The following TBX15 variants were observed in gnomAD, a reference collection of about 807,000 sequenced individuals.
The protein encoded by TBX15 is T-box transcription factor TBX15.
A neutral mutation model predicts 53.9 loss-of-function variants in TBX15; 18 were observed. That is an observed-to-expected ratio of 0.33 (90% CI 0.23 to 0.49). The LOEUF is 0.49. Among genes scored for constraint, TBX15 ranks in the 20% least tolerant of loss-of-function variants. The pLI is 0.98. For synonymous variants in TBX15, 295 were observed against 278.0 expected (o/e 1.06, Z -0.61); for missense variants, 692 against 749.5 (o/e 0.92, Z 0.90).
intron 7 of TBX15, among the ~76,000 whole-genome samples, chr1:118,898,107 G>T (rs1317124753): frequency 6.6e-6 from 1 of 152,246 alleles, no homozygotes; most frequent in South Asian, 2.1e-4. Context: ...TAATGCAGAC[G>T]ATAAAACTGG....
Position 118,885,713 on chromosome 1 carries a change from T to TCA in TBX15, c.1025-199_1025-198dup, listed in dbSNP as rs140071874. Among the ~76,000 whole-genome samples the TCA allele has an allele frequency of 0.026, 3,949 of 149,340 alleles. 150 individuals carry two copies. The highest frequency in any genetic ancestry group is 0.086 in the African/African-American group (3,525 of 40,906). On this transcript the variant is annotated intron_variant, in intron 7 of 7. Coordinates refer to ENST00000369429, the MANE Select transcript of TBX15 (RefSeq NM_001330677.2). ...GACATATACACAGTCATACAGTCTC[T>TCA]CACACACACACACACACACACTCCA...
At chr1:118,892,210 AAATGGTTGCT>A (rs370343643) in intron 7 of TBX15, among the ~76,000 whole-genome samples, 57 of 152,344 alleles carry the variant, frequency 3.7e-4, no homozygotes, top group African/African-American at 1.2e-3. Flanking sequence ...ATAATCTCTT[AAATGGTTGCT>A]GGCCTCATTC....
At chr1:118,984,679 G>A (rs1488159547) in intron 1 of TBX15, among the ~76,000 whole-genome samples, 2 of 152,234 alleles carry the variant, frequency 1.3e-5, no homozygotes, top group East Asian at 3.9e-4. Context: ...AAAAGACTGA[G>A]AGTGCCGGCG....
chr1:118,917,367 A>T (rs980448144), intron 5 of TBX15, among the ~76,000 whole-genome samples: 1 of 152,166 alleles, frequency 6.6e-6, no homozygotes, highest in Non-Finnish European at 1.5e-5. Context: ...GAGCTGAATG[A>T]TGAGAACACA....
chr1:118,893,169 G>T (rs930747623), intron 7 of TBX15, among the ~76,000 whole-genome samples: 6 of 151,604 alleles, frequency 4.0e-5, no homozygotes, highest in South Asian at 4.2e-4. Flanking sequence ...AACCCAGGAG[G>T]CAGAGGTTAC....
intron 7 of TBX15, among the ~76,000 whole-genome samples, chr1:118,890,434 CATCTGTAGG>C (rs1211420441): frequency 1.3e-5 from 2 of 152,134 alleles, no homozygotes; most frequent in East Asian, 1.9e-4. Flanking sequence ...AGTTCTGTAG[CATCTGTAGG>C]ATCTGTAGGA....
At chr1:118,948,559 T>C (rs1394474587) in intron 1 of TBX15, among the ~76,000 whole-genome samples, 1 of 152,154 alleles carries the variant, frequency 6.6e-6, no homozygotes, top group Non-Finnish European at 1.5e-5. Flanking sequence ...CTGGCTCTTT[T>C]CCCCTCTGGG....
chr1:118,938,401 C>T (rs760085165), intron 1 of TBX15, among the ~76,000 whole-genome samples: 12 of 152,146 alleles, frequency 7.9e-5, no homozygotes, highest in Non-Finnish European at 1.2e-4. Flanking sequence ...CCTCTCTCAG[C>T]GATACATAGA....
At chr1:118,906,186 T>C (rs1191762961) in intron 6 of TBX15, among the ~76,000 whole-genome samples, 4 of 152,220 alleles carry the variant, frequency 2.6e-5, no homozygotes, top group African/African-American at 9.6e-5. Context: ...TTAAACTGTA[T>C]GAAATTGCTA....
rs3033458 is a variant in TBX15, at chr1:118,988,148, C to CCTCT, written c.-357_-354dup. 1.4e-4 allele frequency: 26 copies of CCTCT among 180,036 alleles called. No homozygotes were observed. Among genetic ancestry groups the CCTCT allele is most frequent in the African/African-American group, 4.3e-4 (18 of 41,516 alleles). The allele number at this position is 180,036 out of a possible 1,614,324, so 11.2% of individuals were successfully genotyped here. A position where few individuals can be genotyped will look rare whatever the true frequency, so the allele number is the denominator to read the frequency against. On this transcript the variant is annotated 5_prime_UTR_variant, in exon 1 of 8. Coordinates refer to ENST00000369429, the MANE Select transcript of TBX15 (RefSeq NM_001330677.2). Reference sequence around the variant, plus strand: ...TTTTGTTATTATTATTATTCTCTCTCCTCTCTCTCTCTCTCTCTCTCTCCC... The same window carrying CCTCT: ...TTTTGTTATTATTATTATTCTCTCTCCTCTCTCTCTCTCTCTCTCTCTCTCTCCC...
At position 118,893,332 on chromosome 1, in the gene TBX15, A is replaced by AAG. The variant is rs1395388947; in HGVS notation, c.1024+5695_1024+5696insCT. Among the ~76,000 whole-genome samples the AAG allele has an allele frequency of 1.6e-3, 123 of 77,824 alleles. 1 individual carries two copies. Among genetic ancestry groups the AAG allele is most frequent in the Non-Finnish European group, 2.2e-3 (96 of 44,492 alleles). 51.1% of individuals were successfully genotyped at this position (77,824 alleles called of 152,430 possible). A position where few individuals can be genotyped will look rare whatever the true frequency, so the allele number is the denominator to read the frequency against. On this transcript the variant is annotated intron_variant, in intron 7 of 7. Coordinates refer to ENST00000369429, the MANE Select transcript of TBX15 (RefSeq NM_001330677.2). ...AAGGAAGGAAAGAAAGAAAGAAGAA[A>AAG]GAAGGAAGGAAGGAAGGAAGGAAGG... is the stretch of plus-strand genomic sequence containing the variant.
At position 118,967,348 on chromosome 1, in the gene TBX15, T is replaced by C. The variant is rs769685681; in HGVS notation, c.205+20243A>G. ...TTTCAAAAATGAAGGACTAAAATTG[T>C]CAAGATTTCACAGTGGTAGAAATGC... On this transcript the variant is annotated intron_variant, in intron 1 of 7. Coordinates refer to ENST00000369429, the MANE Select transcript of TBX15 (RefSeq NM_001330677.2). 1.4e-4 allele frequency among the ~76,000 whole-genome samples: 21 copies of C among 152,196 alleles called. 1 individual carries two copies. The highest frequency in any genetic ancestry group is 2.4e-5 in the African/African-American group (1 of 41,458).
chr1:118,913,915 G>A (rs755942686), intron 6 of TBX15, among the ~76,000 whole-genome samples, 200 bp downstream of exon 6: 14 of 152,196 alleles, frequency 9.2e-5, no homozygotes, highest in Non-Finnish European at 1.9e-4. Flanking sequence ...AAAACAGCAT[G>A]AGGGATTTGA....
chr1:118,941,148 C>T (rs1656164901), intron 1 of TBX15, among the ~76,000 whole-genome samples: 1 of 152,186 alleles, frequency 6.6e-6, no homozygotes. Flanking sequence ...CCACCACCAC[C>T]TCCGACATCA....
At chr1:118,912,713 T>C (rs537425301) in intron 6 of TBX15, among the ~76,000 whole-genome samples, 1 of 152,318 alleles carries the variant, frequency 6.6e-6, no homozygotes, top group East Asian at 1.9e-4. Context: ...GGATGGGCCA[T>C]CTGAAATGAA....
At chr1:118,901,484 C>T (rs1267442378) in intron 6 of TBX15, 1 of 449,510 alleles carries the variant, frequency 2.2e-6, no homozygotes, top group Admixed American at 2.4e-5. Flanking sequence ...ATAGCAGTTT[C>T]ATTTTCATAA....
At chr1:118,925,131 C>T (rs760110902) in intron 3 of TBX15, among the ~76,000 whole-genome samples, 5 of 152,202 alleles carry the variant, frequency 3.3e-5, no homozygotes, top group African/African-American at 7.2e-5. Flanking sequence ...CTCTCCATGC[C>T]GTGCACCCCT....
At chr1:118,887,286 G>C (rs1053164614) in intron 7 of TBX15, among the ~76,000 whole-genome samples, 1 of 152,130 alleles carries the variant, frequency 6.6e-6, no homozygotes, top group African/African-American at 2.4e-5. Flanking sequence ...CACTCATTTT[G>C]GGACTCTTAG....
chr1:118,941,585 A>G (rs1048050253), intron 1 of TBX15, among the ~76,000 whole-genome samples: 64 of 152,204 alleles, frequency 4.2e-4, no homozygotes, highest in African/African-American at 1.5e-3. Flanking sequence ...CCTCTCCAGT[A>G]ATCAAAATTC....
Sources: allele counts gnomAD v4.1 joint callset (sites outside exome capture counted in the v4.1 genomes callset), GRCh38; gene constraint gnomAD v4.1.1; transcripts MANE v1.5; gene names NCBI Gene and HGNC (gene_info 2026-07-23, HGNC 2026-07-21).